Variants in PRIMA1 observed in about 807,000 individuals in gnomAD.
The protein encoded by PRIMA1 is proline rich membrane anchor 1.
In PRIMA1, 7 loss-of-function variants were observed where a neutral mutation model predicts 17.5. That is an observed-to-expected ratio of 0.40 (90% confidence interval 0.23 to 0.75). The LOEUF (loss-of-function observed/expected upper bound fraction) is 0.75, where lower values mean the gene tolerates loss of function less well. PRIMA1 is among the 30% of genes least tolerant of loss of function. The pLI is 0.37. For missense variants in PRIMA1, 200 were observed against 201.8 expected, an observed-to-expected ratio of 0.99 and a Z score of 0.05; for synonymous variants, 97 against 77.9, an observed-to-expected ratio of 1.25 and a Z score of -1.29.
intron 3 of PRIMA1, among the ~76,000 whole-genome samples, chr14:93,743,506 C>A (rs1595199859): frequency 6.6e-6 from 1 of 152,360 alleles, no homozygotes; most frequent in African/African-American, 2.4e-5. Context: ...CGGGTCACAA[C>A]CGCTGACAAT....
intron 3 of PRIMA1, among the ~76,000 whole-genome samples, chr14:93,743,391 G>A (rs2076195917): frequency 6.6e-6 from 1 of 152,234 alleles, no homozygotes; most frequent in African/African-American, 2.4e-5. Flanking sequence ...GAGCTGAAAG[G>A]ACCTGGCGCT....
In PRIMA1 at chr14:93,739,496, T is replaced by TTTCC. The variant is rs1259339153; in HGVS notation, c.230-2127_230-2126insGGAA. On this transcript the variant is annotated intron_variant, in intron 3 of 4. Coordinates refer to ENST00000393140, the MANE Select transcript of PRIMA1 (RefSeq NM_178013.4). ...TTTCTCTTGGATAAATATCTAGGAG[T>TTTCC]GGAACGGCTGGGTTGTGTGGTGTGT... Among the ~76,000 whole-genome samples the TTTCC allele has an allele frequency of 3.9e-5, 6 of 152,176 alleles. No individual in the cohort carries two copies. In the East Asian group the frequency reaches 1.2e-3, roughly 29 times the overall value.
At chr14:93,757,756 G>A (rs1042455417) in intron 3 of PRIMA1, among the ~76,000 whole-genome samples, 3 of 152,096 alleles carry the variant, frequency 2.0e-5, no homozygotes, top group Non-Finnish European at 4.4e-5. Context: ...GAGAGGAAAC[G>A]GAGGGAAATA....
intron 2 of PRIMA1, among the ~76,000 whole-genome samples, chr14:93,782,102 C>G (rs531532237): frequency 2.6e-5 from 4 of 152,154 alleles, no homozygotes; most frequent in Admixed American, 2.6e-4. Context: ...CCTGTCTTTA[C>G]TAAAAATACA....
intron 3 of PRIMA1, among the ~76,000 whole-genome samples, chr14:93,739,070 G>A (rs1050329474): frequency 1.0e-4 from 13 of 129,062 alleles, no homozygotes; most frequent in Non-Finnish European, 2.0e-4. Context: ...TTTTTTTTTT[G>A]AGACGGAGTT....
rs374166523 is a variant in PRIMA1, at chr14:93,779,162, G to A, written c.229+14C>T. ...ACAAAGAGAAACCCGAAAATGGAGT[G>A]AGCCATTACTTACCTGGGGCGGAGA... On this transcript the variant is annotated intron_variant, in intron 3 of 4. Transcript: ENST00000393140. 9.1e-6 allele frequency: 12 copies of A among 1,320,542 alleles called. No individual in the cohort carries two copies. The highest frequency in any genetic ancestry group is 1.2e-5 in the Non-Finnish European group (12 of 1,027,280). The allele number at this position is 1,320,542 out of a possible 1,614,324, so 81.8% of individuals were successfully genotyped here.
chr14:93,738,733 A>T (rs1474112528), intron 3 of PRIMA1, among the ~76,000 whole-genome samples: 1 of 152,170 alleles, frequency 6.6e-6, no homozygotes, highest in Non-Finnish European at 1.5e-5. Flanking sequence ...CTGAGCTTTG[A>T]CAAATGCATG....
chr14:93,735,646 A>C (rs1185011413), intron 4 of PRIMA1, among the ~76,000 whole-genome samples: 2 of 150,804 alleles, frequency 1.3e-5, no homozygotes, highest in East Asian at 3.9e-4. Context: ...TGGATTAGCT[A>C]TGTCCCCTGG....
chr14:93,750,951 T>C (rs2076255575), intron 3 of PRIMA1, among the ~76,000 whole-genome samples: 1 of 152,060 alleles, frequency 6.6e-6, no homozygotes, highest in African/African-American at 2.4e-5. Flanking sequence ...AGGCACAAAT[T>C]TGGATCCTGA....
At chr14:93,756,896 G>A (rs1344584597) in intron 3 of PRIMA1, among the ~76,000 whole-genome samples, 1 of 152,150 alleles carries the variant, frequency 6.6e-6, no homozygotes, top group African/African-American at 2.4e-5. Flanking sequence ...CTCCACAGCA[G>A]CCTCTGGGCC....
At chr14:93,781,079 A>G (rs1885364740) in intron 2 of PRIMA1, among the ~76,000 whole-genome samples, 1 of 152,234 alleles carries the variant, frequency 6.6e-6, no homozygotes, top group Admixed American at 6.5e-5. Context: ...CTGGGGTGGC[A>G]GCGGGAAGTG....
chr14:93,743,100 G>A (rs929599121), intron 3 of PRIMA1, among the ~76,000 whole-genome samples: 4 of 152,212 alleles, frequency 2.6e-5, no homozygotes, highest in Admixed American at 2.6e-4. Context: ...TCTAGAAGAG[G>A]GGAGTGAGAG....
intron 3 of PRIMA1, among the ~76,000 whole-genome samples, chr14:93,774,029 T>C (rs933658415): frequency 2.7e-4 from 41 of 152,120 alleles, no homozygotes; most frequent in African/African-American, 9.2e-4. Flanking sequence ...GAGGCAGAGA[T>C]TGCAGTGAGC....
intron 3 of PRIMA1, among the ~76,000 whole-genome samples, chr14:93,745,031 G>A (rs557146759): frequency 6.6e-6 from 1 of 152,292 alleles, no homozygotes; most frequent in African/African-American, 2.4e-5. Flanking sequence ...GGGGGTGGGA[G>A]GGGAGTGTCC....
At chr14:93,764,912 T>G (rs1884843564) in intron 3 of PRIMA1, among the ~76,000 whole-genome samples, 1 of 152,160 alleles carries the variant, frequency 6.6e-6, no homozygotes, top group African/African-American at 2.4e-5. Flanking sequence ...TTGTGCCTGG[T>G]GGGAGGCAGT....
At chr14:93,724,474 T>C (rs1480742241) in intron 4 of PRIMA1, among the ~76,000 whole-genome samples, 1 of 152,168 alleles carries the variant, frequency 6.6e-6, no homozygotes, top group Non-Finnish European at 1.5e-5. Context: ...TCTGTCCCCT[T>C]CATCCCCGTT....
intron 4 of PRIMA1, among the ~76,000 whole-genome samples, chr14:93,725,350 C>A (rs1378004300): frequency 2.6e-5 from 4 of 152,098 alleles, no homozygotes; most frequent in African/African-American, 9.7e-5. Flanking sequence ...GGAGCTGAGT[C>A]CCCAACCACT....
chr14:93,753,674 G>A (rs1043664555), intron 3 of PRIMA1, among the ~76,000 whole-genome samples: 1 of 152,154 alleles, frequency 6.6e-6, no homozygotes, highest in Non-Finnish European at 1.5e-5. Context: ...CCCGACAACA[G>A]AGCTTTCCCA....
At chr14:93,751,484 A>G (rs572818701) in intron 3 of PRIMA1, among the ~76,000 whole-genome samples, 2 of 152,358 alleles carry the variant, frequency 1.3e-5, no homozygotes, top group African/African-American at 2.4e-5. Context: ...AACCCCAGAC[A>G]TGAGGTTACC....
Sources: gnomAD v4.1 joint callset for allele counts (sites outside exome capture counted in the v4.1 genomes callset) on GRCh38, gnomAD v4.1.1 for gene constraint, MANE v1.5 for transcripts, NCBI Gene and HGNC (gene_info 2026-07-23, HGNC 2026-07-21) for gene names.